FBXL13: variants seen among roughly 807,000 people sequenced by gnomAD.
FBXL13 encodes F-box and leucine rich repeat protein 13, also known as F-box and leucine-rich repeat protein 13.
FBXL13 carries 67 observed loss-of-function variants against 83.6 expected under a neutral mutation model. The ratio of observed to expected loss-of-function variants is 0.80; its 90% CI spans 0.66 to 0.98. FBXL13 has a LOEUF of 0.98. FBXL13 is among the 50% of genes least tolerant of loss of function. The pLI is 0.00. For synonymous variants in FBXL13, 272 were observed against 299.5 expected (o/e 0.91, Z 0.95); for missense variants, 822 against 866.5 (o/e 0.95, Z 0.64).
chr7:103,040,537 C>T (rs764381616), intron 2 of FBXL13, among the ~76,000 whole-genome samples: 45 of 152,158 alleles, frequency 3.0e-4, no homozygotes, highest in Admixed American at 4.6e-4. Flanking sequence ...CTGAGCATCA[C>T]GTCGCACTTA....
At chr7:102,997,195 A>G (rs1260396002) in intron 6 of FBXL13, among the ~76,000 whole-genome samples, 1 of 152,192 alleles carries the variant, frequency 6.6e-6, no homozygotes, top group Non-Finnish European at 1.5e-5. Flanking sequence ...TCAGACACAA[A>G]ATGAATGACC....
chr7:102,934,441 A>T (rs1819877747), intron 8 of FBXL13: 1 of 1,614,082 alleles, frequency 6.2e-7, no homozygotes. Flanking sequence ...CGCTTATTTC[A>T]ATGTTGCAGA....
At chr7:103,062,005 C>A (rs1178142981) in intron 1 of FBXL13, among the ~76,000 whole-genome samples, 5 of 123,124 alleles carry the variant, frequency 4.1e-5, no homozygotes, top group Non-Finnish European at 8.6e-5. Flanking sequence ...ATAAAAACTT[C>A]TCAGAAAAAT....
intron 11 of FBXL13, among the ~76,000 whole-genome samples, chr7:102,904,391 TTTTC>T (rs1340017683): frequency 1.3e-5 from 2 of 151,992 alleles, no homozygotes; most frequent in Non-Finnish European, 1.5e-5. Context: ...CTTTTATTCT[TTTTC>T]TTTTTTTTTA....
At chr7:102,858,139 G>A (rs1806296278) in intron 16 of FBXL13, among the ~76,000 whole-genome samples, 1 of 152,170 alleles carries the variant, frequency 6.6e-6, no homozygotes, top group African/African-American at 2.4e-5. Flanking sequence ...ATGAAATCCT[G>A]TCATTTGCAG....
At chr7:102,912,292 A>G (rs1028415484) in intron 11 of FBXL13, among the ~76,000 whole-genome samples, 7 of 152,346 alleles carry the variant, frequency 4.6e-5, no homozygotes, top group African/African-American at 1.4e-4. Flanking sequence ...TCAAGAAATG[A>G]TAACTATCAA....
At chr7:102,886,367 G>T (rs1192229847) in intron 11 of FBXL13, among the ~76,000 whole-genome samples, 1 of 152,108 alleles carries the variant, frequency 6.6e-6, no homozygotes, top group Non-Finnish European at 1.5e-5. Flanking sequence ...GACTTCATTT[G>T]CGCCACCTCT....
chr7:102,841,076 A>C (rs1802846422), intron 17 of FBXL13, among the ~76,000 whole-genome samples: 1 of 152,194 alleles, frequency 6.6e-6, no homozygotes, highest in Non-Finnish European at 1.5e-5. Context: ...GACATGCCAC[A>C]GGCCCTTGGT....
chr7:102,831,579 C>G (rs1361732566), intron 18 of FBXL13, among the ~76,000 whole-genome samples: 2 of 152,144 alleles, frequency 1.3e-5, no homozygotes, highest in Non-Finnish European at 2.9e-5. Context: ...ATCTAGAGAT[C>G]TATCTACTTC....
At chr7:102,918,884 A>T (rs1164952402) in intron 10 of FBXL13, among the ~76,000 whole-genome samples, 1 of 152,242 alleles carries the variant, frequency 6.6e-6, no homozygotes, top group Non-Finnish European at 1.5e-5. Flanking sequence ...ACATACATGT[A>T]CATATATTCA....
chr7:103,035,453 G>A (rs1355890426), intron 2 of FBXL13, among the ~76,000 whole-genome samples: 1 of 152,172 alleles, frequency 6.6e-6, no homozygotes, highest in East Asian at 1.9e-4. Context: ...ACCTGGGGAA[G>A]TGTTGTAGTA....
At chr7:103,043,048 A>G (rs536931071) in intron 2 of FBXL13, among the ~76,000 whole-genome samples, 2 of 152,220 alleles carry the variant, frequency 1.3e-5, no homozygotes, top group Non-Finnish European at 2.9e-5. Context: ...GTAGAATGGG[A>G]GAGAATCTTT....
At chr7:102,956,199 T>G (rs1020499941) in intron 8 of FBXL13, among the ~76,000 whole-genome samples, 2 of 152,156 alleles carry the variant, frequency 1.3e-5, no homozygotes, top group African/African-American at 4.8e-5. Context: ...TCAAGTTGGC[T>G]TCATCCCTGG....
At chr7:102,848,492 C>G (rs1584604489) in intron 17 of FBXL13, among the ~76,000 whole-genome samples, 1 of 45,952 alleles carries the variant, frequency 2.2e-5, no homozygotes, top group Non-Finnish European at 3.4e-5. Context: ...AGAGGCGGAG[C>G]TTGCAGTGAG....
At chr7:102,875,839 AAGCTGG>A (rs1809168528) in intron 16 of FBXL13, among the ~76,000 whole-genome samples, 1 of 152,142 alleles carries the variant, frequency 6.6e-6, no homozygotes, top group African/African-American at 2.4e-5. Flanking sequence ...TCATTCAGGG[AAGCTGG>A]AACCACAGCA....
chr7:102,957,229 C>G (rs1824414697), intron 8 of FBXL13, among the ~76,000 whole-genome samples: 1 of 152,068 alleles, frequency 6.6e-6, no homozygotes, highest in South Asian at 2.1e-4. Flanking sequence ...GAAATAACAC[C>G]ACATATCTAC....
At chr7:102,833,083 A>G in intron 17 of FBXL13, 109 bp from the exon 19 acceptor site, 1 of 1,142,874 alleles carries the variant, frequency 8.7e-7, no homozygotes, top group Non-Finnish European at 1.2e-6. Flanking sequence ...TACAGATGTT[A>G]GATCTTGATG....
intron 2 of FBXL13, among the ~76,000 whole-genome samples, chr7:103,054,291 G>A (rs942657572): frequency 7.2e-5 from 11 of 151,784 alleles, no homozygotes; most frequent in Admixed American, 2.0e-4. Flanking sequence ...TTGGGAGGCT[G>A]AGACAGGAGA....
chr7:102,908,228 G>A (rs910705642), intron 11 of FBXL13, among the ~76,000 whole-genome samples: 11 of 151,338 alleles, frequency 7.3e-5, no homozygotes, highest in African/African-American at 2.4e-4. Flanking sequence ...TATACCAATT[G>A]CATTTTTCAG....
Sources: gnomAD v4.1 joint callset for allele counts (sites outside exome capture counted in the v4.1 genomes callset) on GRCh38, gnomAD v4.1.1 for gene constraint, MANE v1.5 for transcripts, NCBI Gene and HGNC (gene_info 2026-07-23, HGNC 2026-07-21) for gene names.